Variants in PSMB1 observed in about 807,000 individuals in gnomAD.
The protein encoded by PSMB1 is proteasome subunit beta type-1.
A neutral mutation model predicts 25.4 loss-of-function variants in PSMB1; 7 were observed. The observed-to-expected ratio is 0.28, with a 90% CI of 0.16 to 0.52. PSMB1 has a LOEUF of 0.52. Among genes scored for constraint, PSMB1 ranks in the 20% least tolerant of loss-of-function variants. The probability of loss-of-function intolerance (pLI) is 0.97; values close to 1 mark genes in which losing one functional copy is unlikely to be tolerated. For synonymous variants in PSMB1, 119 were observed against 115.0 expected, an observed-to-expected ratio of 1.03 and a Z score of -0.22; for missense variants, 284 against 302.2, an observed-to-expected ratio of 0.94 and a Z score of 0.45.
intron 4 of PSMB1, among the ~76,000 whole-genome samples, chr6:170,540,588 C>CAAAAAAAA (rs5881872): frequency 1.2e-3 from 75 of 61,162 alleles, no homozygotes; most frequent in South Asian, 1.6e-3. Flanking sequence ...GAATGGACAG[C>CAAAAAAAA]AAAAAAAAAA....
intron 3 of PSMB1, among the ~76,000 whole-genome samples, chr6:170,545,862 G>A: frequency 6.6e-6 from 1 of 152,172 alleles, no homozygotes; most frequent in East Asian, 1.9e-4. Flanking sequence ...CCTTCTAAAA[G>A]GGTAGAGAAC....
intron 4 of PSMB1, among the ~76,000 whole-genome samples, chr6:170,537,543 C>T (rs1778710254): frequency 6.6e-6 from 1 of 152,168 alleles, no homozygotes. Context: ...AGAACCCAGT[C>T]ACCATTGCAC....
At chr6:170,543,465 T>G in intron 4 of PSMB1, 136 bp downstream of exon 4, 1 of 954,344 alleles carries the variant, frequency 1.0e-6, no homozygotes. Flanking sequence ...AGTTTCTTCA[T>G]CACTTTCATT....
Position 170,541,588 on chromosome 6 carries a change from G to C in PSMB1, c.433+2013C>G, listed in dbSNP as rs1778759682. On this transcript the variant is annotated intron_variant, in intron 4 of 5. Transcript: ENST00000262193. ...TAAGTACCAGGAAATACAGGTAAAA[G>C]AGCTGAAAACTGTCTTAGGGCAATG... is the stretch of plus-strand genomic sequence containing the variant. Among the ~76,000 whole-genome samples, 3 of 152,106 alleles carry C rather than the reference G, an allele frequency of 2.0e-5. No individual in the cohort carries two copies. The South Asian group carries it at 6.2e-4, about 32-fold the overall frequency.
At chr6:170,544,552 T>C (rs962791193) in intron 3 of PSMB1, among the ~76,000 whole-genome samples, 6 of 152,126 alleles carry the variant, frequency 3.9e-5, no homozygotes, top group African/African-American at 1.2e-4. Context: ...CAAACATCTC[T>C]AATGAGAAAC....
chr6:170,544,891 T>C (rs1778799603), intron 3 of PSMB1, among the ~76,000 whole-genome samples: 2 of 152,156 alleles, frequency 1.3e-5, no homozygotes, highest in South Asian at 4.1e-4. Context: ...TGGCCTGTAA[T>C]CCCAGCACTT....
Position 170,535,416 on chromosome 6 carries a change from A to G in PSMB1, c.541-11T>C. 2 of 1,608,192 alleles carry G rather than the reference A, an allele frequency of 1.2e-6. No homozygotes were observed. Among genetic ancestry groups the G allele is most frequent in the Non-Finnish European group, 1.7e-6 (2 of 1,176,266 alleles). On this transcript the variant is annotated splice_polypyrimidine_tract_variant and intron_variant, in intron 5 of 5. Coordinates refer to ENST00000262193, the MANE Select transcript of PSMB1 (RefSeq NM_002793.4). ...GTTCTTAAAACCAACCTGGTGGGAC[A>G]TGAAACTTGGGTGAGATGTCATGTG...
rs529519667 is a variant in PSMB1, at chr6:170,551,771, C to T, written c.113+1359G>A. On this transcript the variant is annotated intron_variant, in intron 1 of 5. Transcript: ENST00000262193. ...GCTCAACTTCACACCAGCTCTCTGA[C>T]CCTGACAGTTTAACGTCTAATATAA... 4.6e-5 allele frequency among the ~76,000 whole-genome samples: 7 copies of T among 152,320 alleles called. No individual in the cohort carries two copies. The East Asian group carries it at 1.4e-3, about 29-fold the overall frequency.
chr6:170,538,631 G>A (rs751114444), intron 4 of PSMB1, among the ~76,000 whole-genome samples: 15 of 152,268 alleles, frequency 9.9e-5, no homozygotes, highest in Middle Eastern at 3.4e-3. Context: ...CCCAGGAGGC[G>A]GAGGTTGTGG....
At position 170,550,909 on chromosome 6, in the gene PSMB1, G is replaced by A. The variant is rs1004677940; in HGVS notation, c.114-1796C>T. Reference sequence around the variant, plus strand: ...CCCAACACTTTGGGAGGCTGAGGGGGGGGGGGGGGGTCAATTGCCTGAGAT... The same window carrying A: ...CCCAACACTTTGGGAGGCTGAGGGGAGGGGGGGGGGTCAATTGCCTGAGAT... On this transcript the variant is annotated intron_variant, in intron 1 of 5. Transcript: ENST00000262193. Among the ~76,000 whole-genome samples, 7 of 133,032 alleles carry A rather than the reference G, an allele frequency of 5.3e-5. No individual in the cohort carries two copies. In the East Asian group the frequency reaches 8.8e-4, roughly 17 times the overall value. The allele number at this position is 133,032 out of a possible 152,430, so 87.3% of individuals were successfully genotyped here. A position where few individuals can be genotyped will look rare whatever the true frequency, so the allele number is the denominator to read the frequency against.
rs373190192 is a variant in PSMB1, at chr6:170,553,277, T to G, written c.-35A>C. 1 of 1,520,206 alleles carries G rather than the reference T, an allele frequency of 6.6e-7. No individual in the cohort carries two copies. The highest frequency in any genetic ancestry group is 9.0e-7 in the Non-Finnish European group (1 of 1,105,864). 94.2% of individuals were successfully genotyped at this position (1,520,206 alleles called of 1,614,324 possible). A position where few individuals can be genotyped will look rare whatever the true frequency, so the allele number is the denominator to read the frequency against. The stretch of plus-strand genomic sequence containing the variant: ...GCGCCTGCGGATCCGACACTTGCTG[T>G]CTCACGGCGAGATGGCTGCCTTGAC... On this transcript the variant is annotated 5_prime_UTR_variant, in exon 1 of 6. Transcript: ENST00000262193.
In PSMB1 at chr6:170,548,593, A is replaced by G. The variant is rs999494699; in HGVS notation, c.221+413T>C. 7.9e-5 allele frequency among the ~76,000 whole-genome samples: 12 copies of G among 152,276 alleles called. No homozygotes were observed. The South Asian group carries it at 8.3e-4, about 11-fold the overall frequency. ...GGTTTGAATATTCCCTTCAAAACTC[A>G]TGTTGAAATTTAATTGCCATTGTGA... On this transcript the variant is annotated intron_variant, in intron 2 of 5. Transcript: ENST00000262193.
At chr6:170,541,286 G>C (rs1778756507) in intron 4 of PSMB1, among the ~76,000 whole-genome samples, 1 of 151,976 alleles carries the variant, frequency 6.6e-6, no homozygotes, top group Non-Finnish European at 1.5e-5. Flanking sequence ...AAAGAAATCT[G>C]AGCCAATTAG....
At chr6:170,537,477 G>C in intron 4 of PSMB1, 137 bp from the exon 5 acceptor site, 1 of 652,940 alleles carries the variant, frequency 1.5e-6, no homozygotes, top group South Asian at 1.8e-5. Flanking sequence ...TTGGAACACA[G>C]CCACTGTTGC....
intron 1 of PSMB1, among the ~76,000 whole-genome samples, chr6:170,550,918 G>T (rs111893361): frequency 1.3e-5 from 1 of 74,242 alleles, no homozygotes; most frequent in South Asian, 5.0e-4. Flanking sequence ...GGGGGGGGGG[G>T]GTCAATTGCC....
intron 5 of PSMB1, chr6:170,536,338 G>C: frequency 2.2e-6 from 1 of 446,148 alleles, no homozygotes; most frequent in Non-Finnish European, 4.5e-6. Flanking sequence ...AAGTTAAAGT[G>C]ATCTCTCAAT....
At chr6:170,549,140 C>A (rs17860777) in intron 1 of PSMB1, 27 bp from the exon 2 acceptor site, 7 of 1,392,396 alleles carry the variant, frequency 5.0e-6, no homozygotes, top group African/African-American at 1.4e-5. Flanking sequence ...AAAATTAATT[C>A]TCCAGGGTGG....
At chr6:170,551,389 A>G (rs1284312208) in intron 1 of PSMB1, among the ~76,000 whole-genome samples, 1 of 152,210 alleles carries the variant, frequency 6.6e-6, no homozygotes, top group Non-Finnish European at 1.5e-5. Context: ...CTACATTTAA[A>G]GACAGAGTAG....
chr6:170,538,449 C>T (rs1422481433), intron 4 of PSMB1, among the ~76,000 whole-genome samples: 1 of 152,074 alleles, frequency 6.6e-6, no homozygotes, highest in African/African-American at 2.4e-5. Flanking sequence ...GCCTGTAATC[C>T]CAGCACTCTG....
Sources: allele counts gnomAD v4.1 joint callset (sites outside exome capture counted in the v4.1 genomes callset), GRCh38; gene constraint gnomAD v4.1.1; transcripts MANE v1.5; gene names NCBI Gene and HGNC (gene_info 2026-07-23, HGNC 2026-07-21).